NT5C2: variants seen among roughly 807,000 people sequenced by gnomAD.
NT5C2 encodes the protein 5'-nucleotidase, cytosolic II.
Under a neutral mutation model 76.1 loss-of-function variants are expected in NT5C2, and 58 were observed. The observed-to-expected ratio is 0.76, with a 90% CI of 0.62 to 0.95. The LOEUF is 0.95. Among genes scored for constraint, NT5C2 ranks in the 40% least tolerant of loss-of-function variants. The probability of loss-of-function intolerance (pLI) is 0.00; values close to 1 mark genes in which losing one functional copy is unlikely to be tolerated. For synonymous variants in NT5C2, 229 were observed against 237.4 expected, an observed-to-expected ratio of 0.96 and a Z score of 0.32; for missense variants, 478 against 690.3, an observed-to-expected ratio of 0.69 and a Z score of 3.45.
chr10:103,170,104 G>A (rs2087503662), intron 3 of NT5C2, among the ~76,000 whole-genome samples: 1 of 152,054 alleles, frequency 6.6e-6, no homozygotes, highest in East Asian at 1.9e-4. Flanking sequence ...CCCAACCTGG[G>A]CTACAGAGCG....
At chr10:103,127,298 C>G (rs972649862) in intron 4 of NT5C2, among the ~76,000 whole-genome samples, 1 of 152,166 alleles carries the variant, frequency 6.6e-6, no homozygotes, top group Admixed American at 6.5e-5. Context: ...GGCAAAATTA[C>G]TTTTGTCAAT....
chr10:103,169,014 TA>T (rs35133717), intron 3 of NT5C2, among the ~76,000 whole-genome samples: 47,681 of 151,754 alleles, frequency 0.31, 7,510 homozygotes, highest in Middle Eastern at 0.36. Context: ...GGTTTCTATT[TA>T]AAATTTTTAA....
At chr10:103,173,621 A>AG (rs915160327) in intron 3 of NT5C2, among the ~76,000 whole-genome samples, 1 of 150,560 alleles carries the variant, frequency 6.6e-6, no homozygotes, top group Non-Finnish European at 1.5e-5. Flanking sequence ...CAAAAAAAAA[A>AG]AAAAAAAAAA....
At chr10:103,180,391 T>C (rs1420681935) in intron 2 of NT5C2, among the ~76,000 whole-genome samples, 1 of 152,202 alleles carries the variant, frequency 6.6e-6, no homozygotes, top group Non-Finnish European at 1.5e-5. Flanking sequence ...GACTTTCTAA[T>C]TGTAAGTAAT....
chr10:103,104,436 T>C (rs562179691), intron 6 of NT5C2, among the ~76,000 whole-genome samples: 4 of 152,304 alleles, frequency 2.6e-5, no homozygotes, highest in South Asian at 4.1e-4. Context: ...TTCATCTTCA[T>C]TGAGATTCTG....
chr10:103,125,678 A>G (rs748248282), intron 4 of NT5C2, among the ~76,000 whole-genome samples: 1 of 152,326 alleles, frequency 6.6e-6, no homozygotes, highest in African/African-American at 2.4e-5. Context: ...AAGTAACAAT[A>G]CTAATGGAAA....
At chr10:103,105,542 G>T (rs1213687891) in intron 6 of NT5C2, among the ~76,000 whole-genome samples, 164 bp downstream of exon 6, 1 of 152,106 alleles carries the variant, frequency 6.6e-6, no homozygotes, top group Non-Finnish European at 1.5e-5. Flanking sequence ...GTCAGTTTGG[G>T]TTCCAACTGC....
intron 4 of NT5C2, among the ~76,000 whole-genome samples, chr10:103,115,310 G>A (rs2074065963): frequency 6.6e-6 from 1 of 152,184 alleles, no homozygotes; most frequent in Non-Finnish European, 1.5e-5. Flanking sequence ...GCTGAGGCAG[G>A]AGAATTGCTT....
intron 3 of NT5C2, chr10:103,146,005 A>C (rs2081409992): frequency 2.1e-6 from 2 of 950,914 alleles, no homozygotes; most frequent in Non-Finnish European, 2.5e-6. Flanking sequence ...TAATGGCTTT[A>C]ACTTGTAATT....
chr10:103,168,883 T>C (rs886248396), intron 3 of NT5C2, among the ~76,000 whole-genome samples: 3 of 152,248 alleles, frequency 2.0e-5, no homozygotes, highest in African/African-American at 4.8e-5. Context: ...ATGATCAGCA[T>C]AGCCTAACTT....
chr10:103,111,717 G>A, intron 4 of NT5C2: 1 of 1,227,976 alleles, frequency 8.1e-7, no homozygotes, highest in Non-Finnish European at 1.0e-6. Context: ...CAGCCTAGCA[G>A]AGTGCTGCTG....
intron 1 of NT5C2, among the ~76,000 whole-genome samples, chr10:103,186,912 CAAAA>C (rs34351688): frequency 1.1e-5 from 1 of 88,372 alleles, no homozygotes; most frequent in Non-Finnish European, 2.3e-5. Flanking sequence ...GACTCCGTCT[CAAAA>C]AAAAAAAAAA....
chr10:103,128,075 C>CTCTG (rs1554973486), intron 4 of NT5C2, among the ~76,000 whole-genome samples: 1 of 145,158 alleles, frequency 6.9e-6, no homozygotes, highest in African/African-American at 2.6e-5. Flanking sequence ...CTCCCTCTCC[C>CTCTG]TCTCCCTCTC....
chr10:103,093,637 A>G (rs774560631), intron 14 of NT5C2: 1 of 366,430 alleles, frequency 2.7e-6, no homozygotes, highest in East Asian at 4.4e-5. Context: ...TATAACTCCA[A>G]CATACTATGT....
intron 3 of NT5C2, among the ~76,000 whole-genome samples, chr10:103,166,027 C>G (rs535266004): frequency 6.6e-6 from 1 of 152,212 alleles, no homozygotes; most frequent in Non-Finnish European, 1.5e-5. Flanking sequence ...TAGATTCACA[C>G]GCAGTTGAGT....
chr10:103,111,073 C>T (rs573509319), intron 4 of NT5C2, among the ~76,000 whole-genome samples: 1 of 152,294 alleles, frequency 6.6e-6, no homozygotes, highest in African/African-American at 2.4e-5. Flanking sequence ...AGCTTTATGC[C>T]TCTCCACAGC....
At chr10:103,189,240 T>G (rs1410418865) in intron 1 of NT5C2, among the ~76,000 whole-genome samples, 1 of 152,198 alleles carries the variant, frequency 6.6e-6, no homozygotes, top group Non-Finnish European at 1.5e-5. Context: ...CTGTGAAATA[T>G]TTCAAACACA....
intron 2 of NT5C2, among the ~76,000 whole-genome samples, chr10:103,180,914 A>G (rs779629402): frequency 6.6e-6 from 1 of 152,220 alleles, no homozygotes; most frequent in Non-Finnish European, 1.5e-5. Flanking sequence ...TAATAACTAC[A>G]CTGAGTGAAA....
chr10:103,182,240 C>A (rs2091206398), intron 1 of NT5C2, among the ~76,000 whole-genome samples: 1 of 152,054 alleles, frequency 6.6e-6, no homozygotes, highest in African/African-American at 2.4e-5. Context: ...CAATTTGAAT[C>A]AAATATTCAT....
Sources: gnomAD v4.1 joint callset for allele counts (sites outside exome capture counted in the v4.1 genomes callset) on GRCh38, gnomAD v4.1.1 for gene constraint, MANE v1.5 for transcripts, NCBI Gene and HGNC (gene_info 2026-07-23, HGNC 2026-07-21) for gene names.